Variants in STON2 observed in about 807,000 individuals in gnomAD.
STON2 encodes the protein stonin 2.
STON2 carries 29 observed loss-of-function variants against 65.7 expected under a neutral mutation model. The ratio of observed to expected loss-of-function variants is 0.44; its 90% confidence interval spans 0.33 to 0.60. The LOEUF (loss-of-function observed/expected upper bound fraction) is 0.60, where lower values mean the gene tolerates loss of function less well. Ranked by LOEUF, STON2 falls within the 20% of genes least tolerant of loss-of-function variation. STON2 has a pLI of 0.03. For synonymous variants in STON2, 404 were observed against 414.2 expected, an observed-to-expected ratio of 0.98 and a Z score of 0.30; for missense variants, 1,054 against 1,118.1, an observed-to-expected ratio of 0.94 and a Z score of 0.82.
chr14:81,263,841 A>G lies in STON2; in HGVS notation c.*4573T>C. The G allele has an allele frequency of 1.0e-6, 1 of 985,458 alleles. No homozygotes were observed. Among genetic ancestry groups the G allele is most frequent in the Non-Finnish European group, 1.2e-6 (1 of 829,938 alleles). 61.0% of individuals were successfully genotyped at this position (985,458 alleles called of 1,614,324 possible). A position where few individuals can be genotyped will look rare whatever the true frequency, so the allele number is the denominator to read the frequency against. On this transcript the variant is annotated 3_prime_UTR_variant, in exon 8 of 8. Coordinates refer to ENST00000614646, the MANE Select transcript of STON2 (RefSeq NM_001394390.1). ...TTAATATTCCCAAGGCTTTTAAGAA[A>G]AAACTTCAGCTCATTCTGTTTTCCC... is the stretch of plus-strand genomic sequence containing the variant.
intron 2 of STON2, among the ~76,000 whole-genome samples, chr14:81,396,695 T>C (rs987694587): frequency 3.9e-5 from 6 of 152,218 alleles, no homozygotes; most frequent in African/African-American, 1.4e-4. Context: ...CTAGAGGTTA[T>C]TTCTGCAGCA....
At chr14:81,410,278 CAAAAAA>C (rs1161157573) in intron 2 of STON2, among the ~76,000 whole-genome samples, 2 of 45,776 alleles carry the variant, frequency 4.4e-5, no homozygotes, top group Admixed American at 3.2e-4. Context: ...TAACTCTAAC[CAAAAAA>C]AAAAAAAAAA....
chr14:81,321,261 T>TG (rs1466671726), intron 5 of STON2, among the ~76,000 whole-genome samples: 1 of 151,606 alleles, frequency 6.6e-6, no homozygotes, highest in Non-Finnish European at 1.5e-5. Flanking sequence ...CCAGGCGTGG[T>TG]GGCTCATGCC....
chr14:81,262,757 C>T lies in STON2; in HGVS notation c.*5657G>A, dbSNP rs995495921. On this transcript the variant is annotated 3_prime_UTR_variant, in exon 8 of 8. Transcript: ENST00000614646. Reference sequence around the variant, plus strand: ...TCTTTCCAGCAGATTTGCTAAGGCACACTAGAAGAAATGTAAAAATCTCAC... The same window carrying T: ...TCTTTCCAGCAGATTTGCTAAGGCATACTAGAAGAAATGTAAAAATCTCAC... 2 of 985,346 alleles carry T rather than the reference C, an allele frequency of 2.0e-6. No individual in the cohort carries two copies. Among genetic ancestry groups the T allele is most frequent in the Admixed American group, 6.1e-5 (1 of 16,272 alleles). The allele number at this position is 985,346 out of a possible 1,614,324, so 61.0% of individuals were successfully genotyped here. A position where few individuals can be genotyped will look rare whatever the true frequency, so the allele number is the denominator to read the frequency against.
At chr14:81,299,195 C>T (rs893134328) in intron 5 of STON2, among the ~76,000 whole-genome samples, 4 of 152,142 alleles carry the variant, frequency 2.6e-5, no homozygotes, top group African/African-American at 9.7e-5. Context: ...CTGCATCCAC[C>T]AGGAATATTG....
chr14:81,264,967 T>A lies in STON2; in HGVS notation c.*3447A>T, dbSNP rs1894299172. 1 of 985,016 alleles carries A rather than the reference T, an allele frequency of 1.0e-6. No homozygotes were observed. Among genetic ancestry groups the A allele is most frequent in the South Asian group, 4.7e-5 (1 of 21,284 alleles). 61.0% of individuals were successfully genotyped at this position (985,016 alleles called of 1,614,324 possible). A position where few individuals can be genotyped will look rare whatever the true frequency, so the allele number is the denominator to read the frequency against. On this transcript the variant is annotated 3_prime_UTR_variant, in exon 8 of 8. Coordinates refer to ENST00000614646, the MANE Select transcript of STON2 (RefSeq NM_001394390.1). ...TAGACTCAAAAGAAAGCACAGCTCT[T>A]GATACCACGTGATATCTAATTTATG... is the stretch of plus-strand genomic sequence containing the variant.
Position 81,267,270 on chromosome 14 carries a change from A to G in STON2, c.*1144T>C. 1 of 985,412 alleles carries G rather than the reference A, an allele frequency of 1.0e-6. No homozygotes were observed. The allele number at this position is 985,412 out of a possible 1,614,324, so 61.0% of individuals were successfully genotyped here. A position where few individuals can be genotyped will look rare whatever the true frequency, so the allele number is the denominator to read the frequency against. On this transcript the variant is annotated 3_prime_UTR_variant, in exon 8 of 8. Transcript: ENST00000614646. ...TTCTGACTCTTGGAATCAGAATATA[A>G]TGTTCCCAACATTAGAAAAATATGG...
At chr14:81,275,813 A>G (rs921261705) in intron 6 of STON2, among the ~76,000 whole-genome samples, 4 of 152,074 alleles carry the variant, frequency 2.6e-5, no homozygotes, top group Non-Finnish European at 2.9e-5. Context: ...GTCACATTGC[A>G]TTACACTTAG....
At chr14:81,400,840 A>G (rs1900576957), upstream of STON2, among the ~76,000 whole-genome samples, 1 of 152,132 alleles carries the variant, frequency 6.6e-6, no homozygotes, top group Admixed American at 6.5e-5. Context: ...CAACCTCTTT[A>G]AGCTTCAGTT....
At chr14:81,336,660 G>A (rs1897382713) in intron 4 of STON2, among the ~76,000 whole-genome samples, 1 of 151,912 alleles carries the variant, frequency 6.6e-6, no homozygotes, top group Non-Finnish European at 1.5e-5. Context: ...TCCTCCCAAG[G>A]TTGAGGGAAT....
At chr14:81,301,715 C>T (rs1288716043) in intron 5 of STON2, among the ~76,000 whole-genome samples, 1 of 152,166 alleles carries the variant, frequency 6.6e-6, no homozygotes, top group African/African-American at 2.4e-5. Flanking sequence ...AATAATTACT[C>T]AAAAACTTGA....
In STON2 at chr14:81,278,480, G is replaced by T; in HGVS notation, c.1002C>A (p.Asp334Glu). The change falls in exon 6 of 8, where the codon GAC becomes GAA. Residue 334 changes from aspartate (D) to glutamate (E), a missense_variant. Asp to Glu is a conservative substitution (Grantham distance 45, BLOSUM62 2). Coordinates refer to ENST00000614646, the MANE Select transcript of STON2 (RefSeq NM_001394390.1). ...AGTTCATCAAAGTGCTCTTGGGACG[G>T]TCCCTCTTCTTAAATGATCCCATTG... ...YNSMGSFKKR[D>E]RPKSTLMNFS... 6.2e-7 allele frequency: 1 copy of T among 1,614,224 alleles called. No individual in the cohort carries two copies. Among genetic ancestry groups the T allele is most frequent in the Non-Finnish European group, 8.5e-7 (1 of 1,180,048 alleles).
chr14:81,320,357 A>G (rs1896776854), intron 5 of STON2, among the ~76,000 whole-genome samples: 1 of 115,812 alleles, frequency 8.6e-6, no homozygotes, highest in Non-Finnish European at 1.7e-5. Context: ...AGGGAAAGAG[A>G]CTCCAACCCT....
At chr14:81,391,323 C>A (rs1381507003) in intron 3 of STON2, among the ~76,000 whole-genome samples, 1 of 152,152 alleles carries the variant, frequency 6.6e-6, no homozygotes, top group African/African-American at 2.4e-5. Flanking sequence ...GGTATTATTG[C>A]AATATACAGC....
chr14:81,383,530 G>C (rs1899638057), intron 3 of STON2, among the ~76,000 whole-genome samples: 1 of 152,128 alleles, frequency 6.6e-6, no homozygotes. Context: ...CAACTGCTCA[G>C]AACAAAACCA....
chr14:81,301,731 T>G (rs1405374468), intron 5 of STON2, among the ~76,000 whole-genome samples: 1 of 152,222 alleles, frequency 6.6e-6, no homozygotes, highest in Non-Finnish European at 1.5e-5. Context: ...CTTGAAGGGT[T>G]GTTGTGAGAA....
intron 2 of STON2, 121 bp from the exon 3 acceptor site, chr14:81,396,299 G>T: frequency 1.1e-6 from 1 of 891,214 alleles, no homozygotes; most frequent in East Asian, 2.6e-5. Context: ...GCAGTGAGTG[G>T]GGAGAAGAAA....
chr14:81,398,627 C>T (rs1174942246), intron 1 of STON2, 47 bp from the exon 2 acceptor site: 1 of 416,810 alleles, frequency 2.4e-6, no homozygotes. Flanking sequence ...ATAACCATCA[C>T]ATTACACTGA....
intron 4 of STON2, among the ~76,000 whole-genome samples, chr14:81,339,921 A>G (rs12100588): frequency 0.082 from 12,539 of 152,086 alleles, 625 homozygotes; most frequent in African/African-American, 0.14. Flanking sequence ...TTGGGAGGCC[A>G]AGGCAGGTAG....
Sources: gnomAD v4.1 joint callset for allele counts (sites outside exome capture counted in the v4.1 genomes callset) on GRCh38, gnomAD v4.1.1 for gene constraint, MANE v1.5 for transcripts, NCBI Gene and HGNC (gene_info 2026-07-23, HGNC 2026-07-21) for gene names.